Variants in USP32 observed in about 807,000 individuals in gnomAD.
USP32 encodes the protein ubiquitin carboxyl-terminal hydrolase 32.
In USP32, 59 loss-of-function variants were observed where a neutral mutation model predicts 204.8. The observed-to-expected ratio is 0.29, with a 90% confidence interval of 0.23 to 0.36. The LOEUF is 0.36. Ranked by LOEUF, USP32 falls within the 10% of genes least tolerant of loss-of-function variation. USP32 has a pLI of 1.00. For synonymous variants in USP32, 517 were observed against 678.4 expected (o/e 0.76, Z 3.70); for missense variants, 1,160 against 1,946.4 (o/e 0.60, Z 7.60).
Position 60,191,971 on chromosome 17 carries a change from G to A in USP32, c.3521+873C>T, listed in dbSNP as rs1053646129. ...TCCAGCAAGGTCTAGTAAAGACTAT[G>A]GTCTACTGTGCTTAGAACTGGCAAA... On this transcript the variant is annotated intron_variant, in intron 28 of 33. Coordinates refer to ENST00000300896, the MANE Select transcript of USP32 (RefSeq NM_032582.4). 9.3e-5 allele frequency among the ~76,000 whole-genome samples: 14 copies of A among 150,856 alleles called. No individual in the cohort carries two copies. The South Asian group carries it at 1.0e-3, about 11-fold the overall frequency.
At chr17:60,349,578 G>A (rs372215644) in intron 1 of USP32, among the ~76,000 whole-genome samples, 992 of 27,658 alleles carry the variant, frequency 0.036, no homozygotes, top group African/African-American at 0.051. Context: ...TGTCTCAAAA[G>A]AAAAAAAAAA....
Position 60,222,421 on chromosome 17 carries a change from G to A in USP32, c.1737C>T (p.Ala579=). The A allele has an allele frequency of 1.2e-6, 2 of 1,614,014 alleles. No individual in the cohort carries two copies. The highest frequency in any genetic ancestry group is 1.7e-6 in the Non-Finnish European group (2 of 1,179,970). ...ALYHWYGANL[A]LPRPVIKNSK... ...TAACTATACTTACTGGTCTAGGTAAGGCCAGGTTTGCTCCATACCAGTGAT... is the reference window on the plus strand; with the variant it reads ...TAACTATACTTACTGGTCTAGGTAAAGCCAGGTTTGCTCCATACCAGTGAT... Residue 579 remains alanine (A), a synonymous_variant, in exon 15 of 34, where the codon GCC becomes GCT. Coordinates refer to ENST00000300896, the MANE Select transcript of USP32 (RefSeq NM_032582.4).
intron 2 of USP32, among the ~76,000 whole-genome samples, chr17:60,345,187 A>C (rs2088756847): frequency 6.6e-6 from 1 of 152,204 alleles, no homozygotes; most frequent in African/African-American, 2.4e-5. Flanking sequence ...TATGTCACAG[A>C]GATTAACTTT....
intron 1 of USP32, among the ~76,000 whole-genome samples, chr17:60,389,755 G>C (rs2089796877): frequency 6.6e-6 from 1 of 151,562 alleles, no homozygotes; most frequent in Non-Finnish European, 1.5e-5. Context: ...GGTGGCTCAT[G>C]CCTGTAATCC....
At chr17:60,211,179 G>A (rs73990682) in intron 20 of USP32, 61 bp from the exon 21 acceptor site, 13 of 1,580,648 alleles carry the variant, frequency 8.2e-6, no homozygotes, top group South Asian at 6.9e-5. Context: ...TCATGTGGGC[G>A]CAAAAATGCC....
At chr17:60,255,298 C>CTTTTTTT (rs747340163) in intron 9 of USP32, 40 bp from the exon 10 acceptor site, 2 of 1,101,224 alleles carry the variant, frequency 1.8e-6, no homozygotes, top group African/African-American at 1.8e-5. Context: ...TCTTTTTTTT[C>CTTTTTTT]TTTTTTTTTT....
Position 60,266,104 on chromosome 17 carries a change from A to AC in USP32, c.812-14_812-13insG. Reference sequence around the variant, plus strand: ...ACCTTGAAGCAAACTAATGAAAAGAAACTCTTATGGAGGAAAATCATTTTT... The same window carrying AC: ...ACCTTGAAGCAAACTAATGAAAAGAACACTCTTATGGAGGAAAATCATTTTT... On this transcript the variant is annotated splice_polypyrimidine_tract_variant and intron_variant, in intron 7 of 33. Transcript: ENST00000300896. 6.3e-7 allele frequency: 1 copy of AC among 1,594,752 alleles called. No homozygotes were observed. Among genetic ancestry groups the AC allele is most frequent in the Non-Finnish European group, 8.6e-7 (1 of 1,163,246 alleles).
intron 9 of USP32, among the ~76,000 whole-genome samples, chr17:60,260,854 T>C (rs1211252617): frequency 6.6e-6 from 1 of 152,050 alleles, no homozygotes; most frequent in Non-Finnish European, 1.5e-5. Context: ...TATCTTCCCC[T>C]CTAACATCCA....
intron 29 of USP32, chr17:60,185,902 A>C: frequency 2.7e-6 from 1 of 372,072 alleles, no homozygotes; most frequent in Non-Finnish European, 4.9e-6. Flanking sequence ...TCTCTGTAAA[A>C]GAAAAATCTA....
intron 5 of USP32, among the ~76,000 whole-genome samples, chr17:60,287,107 G>A (rs1277769470): frequency 6.6e-6 from 1 of 152,030 alleles, no homozygotes. Context: ...CCGAGATCGC[G>A]CCACTGCACT....
chr17:60,304,045 C>T (rs912928713), intron 2 of USP32, among the ~76,000 whole-genome samples: 5 of 151,646 alleles, frequency 3.3e-5, no homozygotes, highest in Non-Finnish European at 4.4e-5. Context: ...AGACACAAAA[C>T]CACAGATATT....
intron 3 of USP32, among the ~76,000 whole-genome samples, chr17:60,295,662 A>G (rs1421389160): frequency 6.6e-6 from 1 of 152,222 alleles, no homozygotes; most frequent in Non-Finnish European, 1.5e-5. Context: ...TCAGACTTAC[A>G]GATCACAAGA....
At chr17:60,227,957 G>A (rs980164457) in intron 12 of USP32, among the ~76,000 whole-genome samples, 3 of 151,748 alleles carry the variant, frequency 2.0e-5, no homozygotes, top group African/African-American at 4.8e-5. Flanking sequence ...TAAGAAGTAG[G>A]AATCTATATT....
upstream of USP32, chr17:60,392,638 G>A (rs969658069): frequency 4.4e-6 from 2 of 451,376 alleles, no homozygotes; most frequent in African/African-American, 4.0e-5. Flanking sequence ...GAAGAGAAAG[G>A]AGTGGGTAGG....
intron 28 of USP32, among the ~76,000 whole-genome samples, chr17:60,192,242 G>C (rs1196696159): frequency 6.6e-6 from 1 of 152,050 alleles, no homozygotes; most frequent in African/African-American, 2.4e-5. Flanking sequence ...AGTGAGCTGA[G>C]ATTGAGCCAC....
chr17:60,344,128 ATT>A (rs1223926673), intron 2 of USP32, among the ~76,000 whole-genome samples: 26 of 131,120 alleles, frequency 2.0e-4, no homozygotes, highest in Admixed American at 3.1e-4. Context: ...TAAAATTCCT[ATT>A]TTTTTTTTTT....
intron 11 of USP32, among the ~76,000 whole-genome samples, chr17:60,247,478 C>T (rs946757453): frequency 3.9e-5 from 6 of 152,128 alleles, no homozygotes; most frequent in African/African-American, 1.4e-4. Flanking sequence ...CCTCGCCCAG[C>T]CTCTTTAATC....
rs139929562 is a variant in USP32, at chr17:60,235,043, T to C, written c.1239+1095A>G. On this transcript the variant is annotated intron_variant, in intron 12 of 33. Coordinates refer to ENST00000300896, the MANE Select transcript of USP32 (RefSeq NM_032582.4). The stretch of plus-strand genomic sequence containing the variant: ...CTATGGTAGGCAACAATAAACCAGG[T>C]TCATGTTCTTGTCAGTGCAGTTCAG... 3.1e-3 allele frequency among the ~76,000 whole-genome samples: 471 copies of C among 152,236 alleles called. 2 individuals carry two copies. The highest frequency in any genetic ancestry group is 0.011 in the African/African-American group (448 of 41,526).
intron 1 of USP32, among the ~76,000 whole-genome samples, chr17:60,367,936 G>A (rs1270169855): frequency 1.3e-5 from 2 of 151,338 alleles, no homozygotes; most frequent in Admixed American, 6.6e-5. Context: ...CCATTTACAC[G>A]GCACTTACAC....
Sources: allele counts gnomAD v4.1 joint callset (sites outside exome capture counted in the v4.1 genomes callset), GRCh38; gene constraint gnomAD v4.1.1; transcripts MANE v1.5; gene names NCBI Gene and HGNC (gene_info 2026-07-23, HGNC 2026-07-21).